Variants in TP53BP1 observed in about 807,000 individuals in gnomAD.
The protein encoded by TP53BP1 is tumor protein p53 binding protein 1.
TP53BP1 carries 61 observed loss-of-function variants against 200.8 expected under a neutral mutation model. The ratio of observed to expected loss-of-function variants is 0.30; its 90% CI spans 0.25 to 0.38. The LOEUF is 0.38. Ranked by LOEUF, TP53BP1 falls within the 10% of genes least tolerant of loss-of-function variation. The pLI is 1.00. For synonymous variants in TP53BP1, 822 were observed against 844.3 expected (o/e 0.97, Z 0.46); for missense variants, 2,144 against 2,371.9 (o/e 0.90, Z 2.00).
intron 11 of TP53BP1, among the ~76,000 whole-genome samples, chr15:43,457,877 G>C (rs1421032504): frequency 6.6e-6 from 1 of 151,490 alleles, no homozygotes; most frequent in Non-Finnish European, 1.5e-5. Context: ...GAATTAGCCG[G>C]GTGGGGTGGT....
chr15:43,466,894 T>C (rs2046594100), intron 11 of TP53BP1, among the ~76,000 whole-genome samples: 2 of 152,124 alleles, frequency 1.3e-5, no homozygotes, highest in African/African-American at 4.8e-5. Flanking sequence ...TGTAGAATTA[T>C]GGAGGTAAAT....
chr15:43,459,248 A>T (rs2046372176), intron 11 of TP53BP1, among the ~76,000 whole-genome samples: 1 of 152,092 alleles, frequency 6.6e-6, no homozygotes, highest in Non-Finnish European at 1.5e-5. Flanking sequence ...GAGGCACGAG[A>T]ATTGCTTGAA....
chr15:43,455,692 G>C (rs2046276371), intron 12 of TP53BP1, among the ~76,000 whole-genome samples, 200 bp downstream of exon 12: 1 of 151,674 alleles, frequency 6.6e-6, no homozygotes, highest in African/African-American at 2.4e-5. Flanking sequence ...CTGTACTCCA[G>C]CCTGGGCAAC....
chr15:43,432,607 T>C lies in TP53BP1; in HGVS notation c.3262A>G (p.Ile1088Val), dbSNP rs975712435. Residue 1088 changes from isoleucine (I) to valine (V), a missense_variant, in exon 17 of 28, where the codon ATC becomes GTC. Physicochemically the swap from Ile to Val is conservative, Grantham distance 29 (BLOSUM62 3). Transcript: ENST00000382044. Reference sequence around the variant, plus strand: ...TTCATAGGCTGTTGACTCTGCCTGATTGTATGGTCACCCTCCAATTTTTCT... The same window carrying C: ...TTCATAGGCTGTTGACTCTGCCTGACTGTATGGTCACCCTCCAATTTTTCT... ...EKEKLEGDHTIRQSQQPMKPI... is the reference protein window; with the variant it reads ...EKEKLEGDHTVRQSQQPMKPI... 2 of 1,613,720 alleles carry C rather than the reference T, an allele frequency of 1.2e-6. No individual in the cohort carries two copies. The highest frequency in any genetic ancestry group is 2.2e-5 in the East Asian group (1 of 44,884).
chr15:43,459,244 C>T (rs558043869), intron 11 of TP53BP1, among the ~76,000 whole-genome samples: 2 of 152,036 alleles, frequency 1.3e-5, no homozygotes, highest in South Asian at 2.1e-4. Context: ...GGCTGAGGCA[C>T]GAGAATTGCT....
In TP53BP1 at chr15:43,452,018, C is replaced by T. The variant is rs2046181700; in HGVS notation, c.2716+3874G>A. Among the ~76,000 whole-genome samples, 4 of 152,088 alleles carry T rather than the reference C, an allele frequency of 2.6e-5. No homozygotes were observed. In the South Asian group the frequency reaches 6.2e-4, roughly 24 times the overall value. On this transcript the variant is annotated intron_variant, in intron 12 of 27. Coordinates refer to ENST00000382044, the MANE Select transcript of TP53BP1 (RefSeq NM_001141980.3). ...GGCATGGTGACATGTGCCTATAATT[C>T]CAGCTACTCAGGAGGCTGAGGCACA...
At chr15:43,489,665 C>T (rs1430103946) in intron 4 of TP53BP1, among the ~76,000 whole-genome samples, 3 of 152,128 alleles carry the variant, frequency 2.0e-5, no homozygotes, top group Non-Finnish European at 4.4e-5. Context: ...CAACTGTTGC[C>T]AACAGAAACA....
chr15:43,499,683 T>C (rs1197514779), intron 1 of TP53BP1, among the ~76,000 whole-genome samples: 2 of 152,150 alleles, frequency 1.3e-5, no homozygotes, highest in African/African-American at 2.4e-5. Flanking sequence ...TCTCAAGAAC[T>C]GAAAGTCAGA....
Position 43,406,716 on chromosome 15 carries a change from A to G in TP53BP1, c.*667T>C. On this transcript the variant is annotated 3_prime_UTR_variant, in exon 28 of 28. Coordinates refer to ENST00000382044, the MANE Select transcript of TP53BP1 (RefSeq NM_001141980.3). ...TTGTGACAATAATAATAATAATAAT[A>G]TTGGGTCTTTGACTAGAACGTGTAA... 2.4e-6 allele frequency: 1 copy of G among 425,012 alleles called. No homozygotes were observed. Among genetic ancestry groups the G allele is most frequent in the South Asian group, 1.7e-5 (1 of 58,266 alleles). 26.3% of individuals were successfully genotyped at this position (425,012 alleles called of 1,614,324 possible). A position where few individuals can be genotyped will look rare whatever the true frequency, so the allele number is the denominator to read the frequency against.
At chr15:43,409,438 T>G (rs1001324267) in intron 25 of TP53BP1, 1 of 539,216 alleles carries the variant, frequency 1.9e-6, no homozygotes, top group Non-Finnish European at 3.3e-6. Context: ...AACAGAACCA[T>G]AGCCATTAAC....
chr15:43,439,530 T>C (rs534975852), intron 15 of TP53BP1, among the ~76,000 whole-genome samples: 1 of 152,302 alleles, frequency 6.6e-6, no homozygotes, highest in African/African-American at 2.4e-5. Flanking sequence ...AGTGAGACCC[T>C]GTCTCAAACA....
chr15:43,422,666 A>G (rs1278837168), intron 18 of TP53BP1, among the ~76,000 whole-genome samples: 1 of 152,180 alleles, frequency 6.6e-6, no homozygotes, highest in Non-Finnish European at 1.5e-5. Flanking sequence ...CCTTTCAATA[A>G]CTGATCAAGG....
intron 12 of TP53BP1, 145 bp downstream of exon 12, chr15:43,455,747 A>T (rs1483738269): frequency 3.6e-6 from 4 of 1,119,296 alleles, no homozygotes; most frequent in Admixed American, 2.9e-5. Context: ...AATCCAAAAA[A>T]TTTAATTTCC....
intron 15 of TP53BP1, among the ~76,000 whole-genome samples, chr15:43,440,562 T>C (rs900477653): frequency 2.0e-5 from 3 of 151,724 alleles, no homozygotes; most frequent in African/African-American, 7.3e-5. Flanking sequence ...CTAGCCACTT[T>C]AGTTATTAAC....
intron 1 of TP53BP1, among the ~76,000 whole-genome samples, chr15:43,507,325 G>A (rs1265598753): frequency 6.6e-6 from 1 of 152,068 alleles, no homozygotes; most frequent in Non-Finnish European, 1.5e-5. Context: ...AGTAGAGATG[G>A]GGTTTCACCA....
intron 1 of TP53BP1, among the ~76,000 whole-genome samples, chr15:43,508,178 G>A (rs2079248653): frequency 6.6e-6 from 1 of 152,150 alleles, no homozygotes; most frequent in Non-Finnish European, 1.5e-5. Context: ...TGGCCAACAT[G>A]GTGAAACCCC....
rs1410724154 is a variant in TP53BP1 at position 43,420,752 on chromosome 15, G to A, written c.4251-17C>T. Reference sequence around the variant, plus strand: ...GCTGTTTCTCTAAAGAGAGATAGGGGATAGGAGAAGCCGGTGAGAACAAGA... The same window carrying A: ...GCTGTTTCTCTAAAGAGAGATAGGGAATAGGAGAAGCCGGTGAGAACAAGA... On this transcript the variant is annotated splice_polypyrimidine_tract_variant and intron_variant, in intron 20 of 27. Transcript: ENST00000382044. 2 of 1,600,858 alleles carry A rather than the reference G, an allele frequency of 1.2e-6. No individual in the cohort carries two copies. The highest frequency in any genetic ancestry group is 3.4e-5 in the Admixed American group (2 of 58,162).
At chr15:43,434,111 T>C (rs1466950081) in intron 16 of TP53BP1, among the ~76,000 whole-genome samples, 1 of 152,210 alleles carries the variant, frequency 6.6e-6, no homozygotes, top group African/African-American at 2.4e-5. Context: ...GTGTGTGTCC[T>C]ATCTCTCAGG....
chr15:43,406,040 CAAAAAAAAAAAAAAA>C lies in TP53BP1; in HGVS notation c.*1328_*1342del, dbSNP rs67793488. On this transcript the variant is annotated 3_prime_UTR_variant, in exon 28 of 28. Transcript: ENST00000382044. Reference sequence around the variant, plus strand: ...GGGCAACAAGAGCGAAATTCCGTCTCAAAAAAAAAAAAAAAAAAAAAAAAAGTATTATTCTCCAAG... The same window carrying C: ...GGGCAACAAGAGCGAAATTCCGTCTCAAAAAAAAAAGTATTATTCTCCAAG... 1.6e-5 allele frequency: 1 copy of C among 63,990 alleles called. No homozygotes were observed. 4.0% of individuals were successfully genotyped at this position (63,990 alleles called of 1,614,324 possible).
Sources: allele counts gnomAD v4.1 joint callset (sites outside exome capture counted in the v4.1 genomes callset), GRCh38; gene constraint gnomAD v4.1.1; transcripts MANE v1.5; gene names NCBI Gene and HGNC (gene_info 2026-07-23, HGNC 2026-07-21).